The following DGKH variants were observed in gnomAD, a reference collection of about 807,000 sequenced individuals.
DGKH encodes DAG kinase eta.
DGKH carries 90 observed loss-of-function variants against 159.3 expected under a neutral mutation model. The observed-to-expected ratio is 0.57, with a 90% CI of 0.48 to 0.67. DGKH has a LOEUF of 0.67. Ranked by LOEUF, DGKH falls within the 30% of genes least tolerant of loss-of-function variation. The probability of loss-of-function intolerance (pLI) is 0.00; values close to 1 mark genes in which losing one functional copy is unlikely to be tolerated. For synonymous variants in DGKH, 536 were observed against 553.8 expected (o/e 0.97, Z 0.45); for missense variants, 1,181 against 1,506.1 (o/e 0.78, Z 3.57).
At chr13:42,069,267 T>C (rs780418191) in intron 1 of DGKH, 12 of 1,087,334 alleles carry the variant, frequency 1.1e-5, no homozygotes, top group African/African-American at 1.6e-5. Flanking sequence ...TTCACAAAAC[T>C]GATTTATGAG....
At chr13:42,244,659 C>A (rs1958562881), downstream of DGKH, among the ~76,000 whole-genome samples, 1 of 152,056 alleles carries the variant, frequency 6.6e-6, no homozygotes, top group Non-Finnish European at 1.5e-5. Flanking sequence ...AATCCCAGCA[C>A]TTTGGGAGGC....
exon 31 of DGKH, chr13:42,256,339 C>G: frequency 6.3e-7 from 1 of 1,590,202 alleles, no homozygotes. Context: ...AAAGGATCAA[C>G]AAGCTGATGA....
chr13:42,237,715 T>C lies in DGKH; in HGVS notation c.*8527T>C, dbSNP rs1483806268. The stretch of plus-strand genomic sequence containing the variant: ...CAGATGACCTAATCATTCAAGACAT[T>C]TGATGGAGTCCACACAAGGGTTTAT... On this transcript the variant is annotated 3_prime_UTR_variant, in exon 30 of 30. Coordinates refer to ENST00000337343, the MANE Select transcript of DGKH (RefSeq NM_178009.5). 6.6e-6 allele frequency: 1 copy of C among 152,208 alleles called. No individual in the cohort carries two copies. Among genetic ancestry groups the C allele is most frequent in the Non-Finnish European group, 1.5e-5 (1 of 68,048 alleles). The allele number at this position is 152,208 out of a possible 1,614,324, so 9.4% of individuals were successfully genotyped here.
At chr13:42,256,116 T>C in intron 30 of DGKH, 2 of 1,179,598 alleles carry the variant, frequency 1.7e-6, no homozygotes, top group Non-Finnish European at 2.6e-6. Flanking sequence ...CCAGGCAAGG[T>C]GAACCCTACT....
At chr13:42,058,342 T>C (rs1881906933) in intron 1 of DGKH, among the ~76,000 whole-genome samples, 1 of 152,240 alleles carries the variant, frequency 6.6e-6, no homozygotes, top group African/African-American at 2.4e-5. Context: ...TCATTTCACT[T>C]AACATCACAG....
chr13:42,219,413 T>A (rs1207771690), intron 27 of DGKH, 64 bp downstream of exon 27: 1 of 1,567,482 alleles, frequency 6.4e-7, no homozygotes, highest in Non-Finnish European at 8.6e-7. Context: ...TTTGAACTCA[T>A]CTTTGAAAAA....
rs1240177575 is a variant in DGKH at position 42,236,197 on chromosome 13, T to C, written c.*7009T>C. On this transcript the variant is annotated 3_prime_UTR_variant, in exon 30 of 30. Coordinates refer to ENST00000337343, the MANE Select transcript of DGKH (RefSeq NM_178009.5). The stretch of plus-strand genomic sequence containing the variant: ...TATAAATCAGTGCATTTATTTATTA[T>C]GTTGTGAAACTTAAGCTTTATATGA... The C allele has an allele frequency of 1.3e-5, 2 of 152,226 alleles. No homozygotes were observed. The highest frequency in any genetic ancestry group is 6.5e-5 in the Admixed American group (1 of 15,278). 9.4% of individuals were successfully genotyped at this position (152,226 alleles called of 1,614,324 possible).
At chr13:42,196,795 A>G (rs905906468) in intron 17 of DGKH, among the ~76,000 whole-genome samples, 6 of 152,268 alleles carry the variant, frequency 3.9e-5, no homozygotes, top group African/African-American at 1.4e-4. Flanking sequence ...CAGTTGTATC[A>G]GAATAGAAAT....
At chr13:42,099,789 AAG>A (rs1954619324) in intron 1 of DGKH, among the ~76,000 whole-genome samples, 4 of 152,190 alleles carry the variant, frequency 2.6e-5, no homozygotes, top group Non-Finnish European at 5.9e-5. Flanking sequence ...ATGATAAAGC[AAG>A]ATGATGGAGT....
Position 42,165,400 on chromosome 13 carries a change from C to A in DGKH, c.925C>A (p.Pro309Thr), listed in dbSNP as rs141975148. ...PLGQCKVSII[P>T]PIALNSTDSD... ...TGGTCAATGTAAAGTATCTATCATA[C>A]CTCCAATTGCACTAAACAGCACCGA... The change falls in exon 8 of 30, where the codon CCT (proline) becomes ACT (threonine). Residue 309 changes from proline (P) to threonine (T), a missense_variant. By Grantham distance (38) the Pro-to-Thr change is conservative (BLOSUM62 -1). Coordinates refer to ENST00000337343, the MANE Select transcript of DGKH (RefSeq NM_178009.5). The A allele has an allele frequency of 8.8e-6, 14 of 1,590,850 alleles. No homozygotes were observed. The highest frequency in any genetic ancestry group is 1.2e-5 in the Non-Finnish European group (14 of 1,169,908).
Position 42,186,010 on chromosome 13 carries a change from G to GGTGTGT in DGKH, c.1539-1004_1539-999dup, listed in dbSNP as rs3039205. On this transcript the variant is annotated intron_variant, in intron 13 of 29. Transcript: ENST00000337343. ...TTGGGGGAGGAGTGGTGGTGGTGGT[G>GGTGTGT]GTGTGTGTGTGTGTGTGTGTGTGTG... Among the ~76,000 whole-genome samples the GGTGTGT allele has an allele frequency of 2.0e-4, 27 of 132,390 alleles. 1 individual carries two copies. In the South Asian group the frequency reaches 4.4e-3, roughly 22 times the overall value. The allele number at this position is 132,390 out of a possible 152,430, so 86.9% of individuals were successfully genotyped here.
chr13:42,250,294 A>G (rs1456526403), intron 29 of DGKH, among the ~76,000 whole-genome samples: 4 of 152,190 alleles, frequency 2.6e-5, no homozygotes, highest in African/African-American at 9.7e-5. Flanking sequence ...TAAAAAAAAA[A>G]AAGTTTATAA....
chr13:42,164,536 A>T (rs73187288), intron 7 of DGKH, among the ~76,000 whole-genome samples: 1 of 152,198 alleles, frequency 6.6e-6, no homozygotes, highest in Non-Finnish European at 1.5e-5. Context: ...AATAAAATAA[A>T]GTCATATTAA....
chr13:42,095,485 G>A (rs1280691114), intron 1 of DGKH, among the ~76,000 whole-genome samples: 1 of 152,028 alleles, frequency 6.6e-6, no homozygotes, highest in Non-Finnish European at 1.5e-5. Context: ...CTTTTAATGA[G>A]TGCTTAATAC....
chr13:42,092,861 C>T (rs1394610476), intron 1 of DGKH, among the ~76,000 whole-genome samples: 1 of 151,920 alleles, frequency 6.6e-6, no homozygotes, highest in Non-Finnish European at 1.5e-5. Flanking sequence ...TGTGTACACC[C>T]AAAATGTTAC....
chr13:42,246,583 C>T (rs144406274), downstream of DGKH, among the ~76,000 whole-genome samples: 331 of 152,288 alleles, frequency 2.2e-3, no homozygotes, highest in Admixed American at 3.3e-3. Context: ...GGAGTTGGGT[C>T]TACTTCTGGC....
intron 16 of DGKH, among the ~76,000 whole-genome samples, chr13:42,191,430 C>G (rs1307412432): frequency 6.6e-6 from 1 of 152,072 alleles, no homozygotes; most frequent in Non-Finnish European, 1.5e-5. Context: ...CAATCATACC[C>G]CAAACCTCCG....
Position 42,229,296 on chromosome 13 carries a change from T to A in DGKH, c.*108T>A. The A allele has an allele frequency of 5.5e-6, 5 of 912,004 alleles. No homozygotes were observed. Among genetic ancestry groups the A allele is most frequent in the Non-Finnish European group, 8.3e-6 (5 of 600,622 alleles). 56.5% of individuals were successfully genotyped at this position (912,004 alleles called of 1,614,324 possible). ...TTCTGCATAGATAAGTAAGCACCACTGAAGCACCTCTGTGGCTTGATATTT... is the reference window on the plus strand; with the variant it reads ...TTCTGCATAGATAAGTAAGCACCACAGAAGCACCTCTGTGGCTTGATATTT... On this transcript the variant is annotated 3_prime_UTR_variant, in exon 30 of 30. Coordinates refer to ENST00000337343, the MANE Select transcript of DGKH (RefSeq NM_178009.5).
intron 9 of DGKH, among the ~76,000 whole-genome samples, chr13:42,167,225 C>A (rs942000900): frequency 2.0e-5 from 3 of 151,994 alleles, no homozygotes; most frequent in African/African-American, 7.2e-5. Context: ...GGAAAATATA[C>A]CTTTTGGCAC....
Sources: allele counts gnomAD v4.1 joint callset (sites outside exome capture counted in the v4.1 genomes callset), GRCh38; gene constraint gnomAD v4.1.1; transcripts MANE v1.5; gene names NCBI Gene and HGNC (gene_info 2026-07-23, HGNC 2026-07-21).